DYRK1A: variants seen among roughly 807,000 people sequenced by gnomAD.
DYRK1A encodes dual specificity tyrosine phosphorylation regulated kinase 1A.
Under a neutral mutation model 79.7 loss-of-function variants are expected in DYRK1A, and 9 were observed. That is an observed-to-expected ratio of 0.11 (90% CI 0.07 to 0.20). The LOEUF (loss-of-function observed/expected upper bound fraction) is 0.20. Among genes scored for constraint, DYRK1A ranks in the 10% least tolerant of loss-of-function variants. The pLI is 1.00. For synonymous variants in DYRK1A, 349 were observed against 329.7 expected (o/e 1.06, Z -0.63); for missense variants, 622 against 956.0 (o/e 0.65, Z 4.61).
At chr21:37,407,569 A>G (rs1055002259) in intron 1 of DYRK1A, among the ~76,000 whole-genome samples, 2 of 152,226 alleles carry the variant, frequency 1.3e-5, no homozygotes, top group Non-Finnish European at 1.5e-5. Flanking sequence ...TAAGTAAGGC[A>G]TATAACCTCT....
At chr21:37,423,582 C>G (rs918999695) in intron 2 of DYRK1A, among the ~76,000 whole-genome samples, 3 of 152,102 alleles carry the variant, frequency 2.0e-5, no homozygotes, top group Non-Finnish European at 2.9e-5. Context: ...GACCTCCCCT[C>G]CCTTTTATTT....
At chr21:37,479,619 G>GTTTTT (rs565080496) in intron 4 of DYRK1A, among the ~76,000 whole-genome samples, 33 of 73,918 alleles carry the variant, frequency 4.5e-4, no homozygotes, top group South Asian at 1.7e-3. Flanking sequence ...TTTGTTTTTT[G>GTTTTT]TTTTTTTTTT....
intron 1 of DYRK1A, among the ~76,000 whole-genome samples, chr21:37,368,645 A>G (rs1400766066): frequency 1.3e-5 from 2 of 152,154 alleles, no homozygotes; most frequent in Admixed American, 6.5e-5. Context: ...TGGATCGACC[A>G]GCTTGCCCAG....
intron 11 of DYRK1A, 37 bp from the exon 12 acceptor site, chr21:37,511,874 T>G (rs763317110): frequency 5.0e-6 from 8 of 1,588,962 alleles, no homozygotes; most frequent in Non-Finnish European, 6.9e-6. Context: ...TTGGAAACAG[T>G]CCTCTGAAAA....
At chr21:37,391,383 C>T (rs1464847242) in intron 1 of DYRK1A, among the ~76,000 whole-genome samples, 2 of 152,198 alleles carry the variant, frequency 1.3e-5, no homozygotes, top group African/African-American at 4.8e-5. Context: ...ACTGTGCCAT[C>T]TTCTATCCAT....
chr21:37,406,039 A>G (rs1253960448), intron 1 of DYRK1A, among the ~76,000 whole-genome samples: 1 of 151,836 alleles, frequency 6.6e-6, no homozygotes, highest in Non-Finnish European at 1.5e-5. Context: ...AGGATGATAC[A>G]TATATTTATT....
chr21:37,403,817 C>A lies in DYRK1A; in HGVS notation c.-76-16482C>A, dbSNP rs73903955. 2.0e-3 allele frequency among the ~76,000 whole-genome samples: 299 copies of A among 148,468 alleles called. 3 individuals carry two copies. Among genetic ancestry groups the A allele is most frequent in the African/African-American group, 7.1e-3 (285 of 40,102 alleles). ...AATACTGTTTTTTTTTTTTTCTTCT[C>A]CTAAGAAGGTTGATTTTTGTTCTAA... On this transcript the variant is annotated intron_variant, in intron 1 of 11. Coordinates refer to ENST00000647188, the MANE Select transcript of DYRK1A (RefSeq NM_001347721.2).
intron 1 of DYRK1A, among the ~76,000 whole-genome samples, chr21:37,377,597 T>C (rs1247741683): frequency 6.6e-6 from 1 of 152,112 alleles, no homozygotes; most frequent in Non-Finnish European, 1.5e-5. Flanking sequence ...GCCTCCTGAG[T>C]AGCTGAGATT....
rs116896216 is a variant in DYRK1A at position 37,420,890 on chromosome 21, C to T, written c.10+506C>T. Among the ~76,000 whole-genome samples, 13 of 152,000 alleles carry T rather than the reference C, an allele frequency of 8.6e-5. No homozygotes were observed. The East Asian group carries it at 2.5e-3, about 29-fold the overall frequency. On this transcript the variant is annotated intron_variant, in intron 2 of 11. Coordinates refer to ENST00000647188, the MANE Select transcript of DYRK1A (RefSeq NM_001347721.2). The stretch of plus-strand genomic sequence containing the variant: ...TCCCTGCCTCCCATTTCCTTTCTTC[C>T]CACCCTCCCCCTCTTATCCTTTTGT...
rs1381592319 is a variant in DYRK1A at position 37,519,412 on chromosome 21, T to A, written c.*6881T>A. 1 of 152,216 alleles carries A rather than the reference T, an allele frequency of 6.6e-6. No individual in the cohort carries two copies. Among genetic ancestry groups the A allele is most frequent in the Non-Finnish European group, 1.5e-5 (1 of 68,040 alleles). The allele number at this position is 152,216 out of a possible 1,614,324, so 9.4% of individuals were successfully genotyped here. On this transcript the variant is annotated 3_prime_UTR_variant, in exon 12 of 12. Coordinates refer to ENST00000647188, the MANE Select transcript of DYRK1A (RefSeq NM_001347721.2). ...AATGGAGATACCTATAGTGTCCACTTAGGAGATGCTGTGCATGCCTCAGTG... is the reference window on the plus strand; with the variant it reads ...AATGGAGATACCTATAGTGTCCACTAAGGAGATGCTGTGCATGCCTCAGTG...
At chr21:37,492,169 T>G (rs1186415287) in intron 7 of DYRK1A, among the ~76,000 whole-genome samples, 5 of 152,248 alleles carry the variant, frequency 3.3e-5, no homozygotes, top group Non-Finnish European at 5.9e-5. Flanking sequence ...TAAATTAGAC[T>G]TTCTTCTCAT....
At chr21:37,384,906 T>C (rs1651610228) in intron 1 of DYRK1A, among the ~76,000 whole-genome samples, 1 of 152,128 alleles carries the variant, frequency 6.6e-6, no homozygotes, top group African/African-American at 2.4e-5. Flanking sequence ...ATTAGTGAAC[T>C]TGAAGACACA....
Position 37,517,469 on chromosome 21 carries a change from T to C in DYRK1A, c.*4938T>C, listed in dbSNP as rs952143037. On this transcript the variant is annotated 3_prime_UTR_variant, in exon 12 of 12. Coordinates refer to ENST00000647188, the MANE Select transcript of DYRK1A (RefSeq NM_001347721.2). ...ATTGCTACTTTGGGAATTTTTTTCT[T>C]TATTCTTGTAAAGTTTTGCTTCCAT... 1 of 152,208 alleles carries C rather than the reference T, an allele frequency of 6.6e-6. No homozygotes were observed. The highest frequency in any genetic ancestry group is 1.5e-5 in the Non-Finnish European group (1 of 68,044). The allele number at this position is 152,208 out of a possible 1,614,324, so 9.4% of individuals were successfully genotyped here.
In DYRK1A at chr21:37,367,091, G is replaced by T; in HGVS notation, c.-614G>T. On this transcript the variant is annotated 5_prime_UTR_variant, in exon 1 of 12. In the 5' UTR this introduces an upstream ATG that the reference lacks. Coordinates refer to ENST00000647188, the MANE Select transcript of DYRK1A (RefSeq NM_001347721.2). ...GGTGTGAGTGCGAGTGTGTGTGCGA[G>T]GGAGCGTGTGCGAGGGCGATTGTGC... is the stretch of plus-strand genomic sequence containing the variant. 1 of 154,526 alleles carries T rather than the reference G, an allele frequency of 6.5e-6. No individual in the cohort carries two copies. The highest frequency in any genetic ancestry group is 1.7e-4 in the South Asian group (1 of 5,748). 9.6% of individuals were successfully genotyped at this position (154,526 alleles called of 1,614,324 possible).
intron 1 of DYRK1A, among the ~76,000 whole-genome samples, chr21:37,378,365 T>G (rs2049589830): frequency 6.6e-6 from 1 of 152,128 alleles, no homozygotes; most frequent in South Asian, 2.1e-4. Context: ...AAACCCTGTC[T>G]CTACTAAAAA....
At position 37,376,138 on chromosome 21, in the gene DYRK1A, C is replaced by T. The variant is rs567212317; in HGVS notation, c.-77+8510C>T. ...TTAGTGCAGGTGTCAGTCCAGAAAT[C>T]AGAATGATGCCTGCACTAAGAATGT... On this transcript the variant is annotated intron_variant, in intron 1 of 11. Transcript: ENST00000647188. 2.6e-5 allele frequency among the ~76,000 whole-genome samples: 4 copies of T among 152,216 alleles called. No individual in the cohort carries two copies. In the South Asian group the frequency reaches 6.2e-4, roughly 24 times the overall value.
chr21:37,486,233 T>C (rs1277698579), intron 5 of DYRK1A: 1 of 290,554 alleles, frequency 3.4e-6, no homozygotes, highest in East Asian at 5.7e-5. Flanking sequence ...TTAGAAATAT[T>C]GTACAAATGC....
intron 1 of DYRK1A, among the ~76,000 whole-genome samples, chr21:37,380,609 A>C (rs983189685): frequency 1.3e-5 from 2 of 152,180 alleles, no homozygotes; most frequent in Non-Finnish European, 2.9e-5. Flanking sequence ...AGATACAGAC[A>C]TGCAAAGTAA....
At chr21:37,398,373 A>G (rs924159840) in intron 1 of DYRK1A, among the ~76,000 whole-genome samples, 3 of 151,660 alleles carry the variant, frequency 2.0e-5, no homozygotes, top group Non-Finnish European at 2.9e-5. Flanking sequence ...TGCCGTAAAA[A>G]TTTTTAGGTG....
Sources: allele counts gnomAD v4.1 joint callset (sites outside exome capture counted in the v4.1 genomes callset), GRCh38; gene constraint gnomAD v4.1.1; transcripts MANE v1.5; gene names NCBI Gene and HGNC (gene_info 2026-07-23, HGNC 2026-07-21).